The following NSRP1 variants were observed in gnomAD, a reference collection of about 807,000 sequenced individuals.
The protein encoded by NSRP1 is nuclear speckle splicing regulatory protein 1.
Under a neutral mutation model 54.7 loss-of-function variants are expected in NSRP1, and 24 were observed. The observed-to-expected ratio is 0.44, with a 90% CI of 0.32 to 0.62. The LOEUF (loss-of-function observed/expected upper bound fraction) is 0.62, where lower values mean the gene tolerates loss of function less well. Ranked by LOEUF, NSRP1 falls within the 20% of genes least tolerant of loss-of-function variation. The probability of loss-of-function intolerance (pLI) is 0.06; values close to 1 mark genes in which losing one functional copy is unlikely to be tolerated. For synonymous variants in NSRP1, 210 were observed against 213.8 expected, an observed-to-expected ratio of 0.98 and a Z score of 0.15; for missense variants, 596 against 651.2, an observed-to-expected ratio of 0.92 and a Z score of 0.92.
chr17:30,144,952 C>A (rs2071839994), intron 2 of NSRP1, among the ~76,000 whole-genome samples: 1 of 152,106 alleles, frequency 6.6e-6, no homozygotes, highest in African/African-American at 2.4e-5. Context: ...TATGTGCTAC[C>A]TGGATATCTG....
intron 2 of NSRP1, among the ~76,000 whole-genome samples, chr17:30,145,962 A>G (rs886339678): frequency 2.0e-5 from 3 of 151,820 alleles, no homozygotes; most frequent in Non-Finnish European, 4.4e-5. Flanking sequence ...CAATTCCCCC[A>G]CTTTTGTCTT....
intron 2 of NSRP1, among the ~76,000 whole-genome samples, chr17:30,133,305 A>G (rs991089860): frequency 2.0e-5 from 3 of 151,986 alleles, no homozygotes; most frequent in African/African-American, 7.3e-5. Flanking sequence ...TCCTTGAACC[A>G]TTTGCTCCAG....
intron 2 of NSRP1, among the ~76,000 whole-genome samples, chr17:30,154,123 C>G (rs1456306715): frequency 6.6e-6 from 1 of 151,698 alleles, no homozygotes; most frequent in East Asian, 1.9e-4. Context: ...GAGTTCAAGA[C>G]CAGCCTGGGT....
At chr17:30,160,253 T>TTTTTG (rs925213668) in intron 2 of NSRP1, among the ~76,000 whole-genome samples, 39 of 152,254 alleles carry the variant, frequency 2.6e-4, no homozygotes, top group African/African-American at 8.7e-4. Flanking sequence ...GCCTGTAGTT[T>TTTTTG]TTTTGTTTTG....
At chr17:30,135,716 C>T (rs190530280) in intron 2 of NSRP1, among the ~76,000 whole-genome samples, 6 of 151,180 alleles carry the variant, frequency 4.0e-5, no homozygotes, top group African/African-American at 7.3e-5. Flanking sequence ...CCTAGTGACC[C>T]GCCTCGGCCT....
intron 2 of NSRP1, among the ~76,000 whole-genome samples, chr17:30,160,480 G>A (rs549926590): frequency 1.5e-4 from 23 of 152,154 alleles, no homozygotes; most frequent in East Asian, 7.7e-4. Flanking sequence ...CTCATTACTC[G>A]TTGTTTGTTC....
At chr17:30,160,693 A>C (rs747620243) in intron 2 of NSRP1, among the ~76,000 whole-genome samples, 7 of 152,114 alleles carry the variant, frequency 4.6e-5, no homozygotes, top group Non-Finnish European at 4.4e-5. Flanking sequence ...CTAGAAACAT[A>C]ATTTTGTAAA....
At chr17:30,167,567 C>T (rs1904779191) in intron 2 of NSRP1, among the ~76,000 whole-genome samples, 1 of 151,884 alleles carries the variant, frequency 6.6e-6, no homozygotes, top group Non-Finnish European at 1.5e-5. Context: ...CGAGATCGCA[C>T]CACTGCACTC....
At chr17:30,133,547 A>G (rs999230046) in intron 2 of NSRP1, among the ~76,000 whole-genome samples, 1 of 152,190 alleles carries the variant, frequency 6.6e-6, no homozygotes, top group Non-Finnish European at 1.5e-5. Context: ...TAGATTTAGC[A>G]TAATTTTTAA....
In NSRP1 at chr17:30,172,559, C is replaced by A; in HGVS notation, c.132C>A (p.Ser44Arg). Residue 44 changes from serine (S) to arginine (R), a missense_variant, in exon 3 of 7, where the codon AGC becomes AGA. By Grantham distance (110) the Ser-to-Arg change is moderately radical. Coordinates refer to ENST00000247026, the MANE Select transcript of NSRP1 (RefSeq NM_032141.4). ...TTTTACAGACCTCTGTGAGTGAAAGCCTTCAGAGGGAAGCTGCTAAGAAGC... is the reference window on the plus strand; with the variant it reads ...TTTTACAGACCTCTGTGAGTGAAAGACTTCAGAGGGAAGCTGCTAAGAAGC... ...DDDDETSVSE[S>R]LQREAAKKQA... is the part of the protein sequence containing the mutation. 6.2e-7 allele frequency: 1 copy of A among 1,609,596 alleles called. No homozygotes were observed. Among genetic ancestry groups the A allele is most frequent in the Non-Finnish European group, 8.5e-7 (1 of 1,177,418 alleles).
chr17:30,157,396 A>G (rs1316357376), intron 2 of NSRP1, among the ~76,000 whole-genome samples: 1 of 152,204 alleles, frequency 6.6e-6, no homozygotes, highest in Non-Finnish European at 1.5e-5. Context: ...GTAATGATCA[A>G]GTCAGGGTGA....
At position 30,175,410 on chromosome 17, in the gene NSRP1, T is replaced by TTTTTG. The variant is rs578021076; in HGVS notation, c.172-2636_172-2632dup. 1.0e-3 allele frequency among the ~76,000 whole-genome samples: 155 copies of TTTTTG among 152,098 alleles called. 1 individual carries two copies. Among genetic ancestry groups the TTTTTG allele is most frequent in the South Asian group, 8.7e-3 (42 of 4,810 alleles). On this transcript the variant is annotated intron_variant, in intron 3 of 6. Coordinates refer to ENST00000247026, the MANE Select transcript of NSRP1 (RefSeq NM_032141.4). ...TTTTTGCTTGTTTGTTTTTTGGGGT[T>TTTTTG]TTTTGTTTTGTTTTGTTTTGTTTTG...
chr17:30,178,300 A>T (rs1905193538), intron 4 of NSRP1, 101 bp downstream of exon 4: 2 of 1,332,668 alleles, frequency 1.5e-6, no homozygotes, highest in Non-Finnish European at 2.0e-6. Flanking sequence ...GCTTTTAGGT[A>T]TGTGAGGTGT....
intron 3 of NSRP1, among the ~76,000 whole-genome samples, chr17:30,175,323 T>A (rs540656769): frequency 1.3e-5 from 2 of 152,342 alleles, no homozygotes; most frequent in Admixed American, 1.3e-4. Context: ...TATTAATTTC[T>A]GAACATAACG....
intron 2 of NSRP1, among the ~76,000 whole-genome samples, chr17:30,122,120 G>T (rs1318579646): frequency 6.6e-6 from 1 of 151,752 alleles, no homozygotes; most frequent in Non-Finnish European, 1.5e-5. Flanking sequence ...ATTGTAACGT[G>T]TCAGTACTCT....
At chr17:30,119,040 A>C (rs897775564) in intron 2 of NSRP1, among the ~76,000 whole-genome samples, 1 of 150,322 alleles carries the variant, frequency 6.7e-6, no homozygotes, top group Non-Finnish European at 1.5e-5. Context: ...AAGCCACCGC[A>C]CCCAGTAAAT....
In NSRP1 at chr17:30,185,033, C is replaced by G; in HGVS notation, c.1036C>G (p.His346Asp). 6.2e-7 allele frequency: 1 copy of G among 1,613,988 alleles called. No individual in the cohort carries two copies. The highest frequency in any genetic ancestry group is 8.5e-7 in the Non-Finnish European group (1 of 1,180,000). ...DYRKERDSHR[H>D]REASHRDSHW... is the part of the protein sequence containing the mutation. ...CCGGAAAGAAAGGGATTCTCATAGG[C>G]ACAGAGAGGCCAGTCATAGAGATTC... The change falls in exon 7 of 7, where the codon CAC becomes GAC. Residue 346 changes from histidine to aspartate, a missense_variant. By Grantham distance (81) the His-to-Asp change is moderately conservative. Transcript: ENST00000247026.
intron 2 of NSRP1, chr17:30,163,186 ATT>A (rs1207247695): frequency 4.7e-5 from 5 of 106,298 alleles, no homozygotes; most frequent in Non-Finnish European, 9.6e-5. Context: ...CATCCGGCTA[ATT>A]TTGTGTGTGT....
chr17:30,124,589 AGCAGT>A (rs1227501607), intron 2 of NSRP1, among the ~76,000 whole-genome samples: 3 of 152,356 alleles, frequency 2.0e-5, no homozygotes, highest in East Asian at 3.9e-4. Flanking sequence ...AGAGATTAGC[AGCAGT>A]AAGAAGCAAG....
Sources: gnomAD v4.1 joint callset for allele counts (sites outside exome capture counted in the v4.1 genomes callset) on GRCh38, gnomAD v4.1.1 for gene constraint, MANE v1.5 for transcripts, NCBI Gene and HGNC (gene_info 2026-07-23, HGNC 2026-07-21) for gene names.